Variants in RORA observed in about 807,000 individuals in gnomAD.
RORA encodes RAR related orphan receptor A.
RORA carries 7 observed loss-of-function variants against 69.5 expected under a neutral mutation model. The observed-to-expected ratio is 0.10, with a 90% CI of 0.06 to 0.19. The LOEUF (loss-of-function observed/expected upper bound fraction) is 0.19, where lower values mean the gene tolerates loss of function less well. Ranked by LOEUF, RORA falls within the 10% of genes least tolerant of loss-of-function variation. The pLI is 1.00. For missense variants in RORA, 457 were observed against 663.0 expected, an observed-to-expected ratio of 0.69 and a Z score of 3.41; for synonymous variants, 261 against 240.8, an observed-to-expected ratio of 1.08 and a Z score of -0.78.
chr15:61,060,047 A>AAGAAGG (rs2078160198), intron 1 of RORA, among the ~76,000 whole-genome samples: 1 of 149,262 alleles, frequency 6.7e-6, no homozygotes, highest in African/African-American at 2.5e-5. Flanking sequence ...GAAGAAGAAG[A>AAGAAGG]AGAAAGCCTT....
chr15:61,169,767 A>AC (rs1338850121), intron 1 of RORA, among the ~76,000 whole-genome samples: 1 of 126,260 alleles, frequency 7.9e-6, no homozygotes, highest in Non-Finnish European at 1.9e-5. Context: ...TTCCTTACAA[A>AC]CGGCCTCAGA....
intron 1 of RORA, among the ~76,000 whole-genome samples, chr15:61,189,820 GCA>G (rs2079779109): frequency 9.0e-6 from 1 of 111,382 alleles, no homozygotes; most frequent in African/African-American, 3.5e-5. Context: ...TTGCACCACC[GCA>G]CTCCAGCCTG....
chr15:60,733,315 A>G (rs2071454312), intron 1 of RORA, among the ~76,000 whole-genome samples: 1 of 152,202 alleles, frequency 6.6e-6, no homozygotes, highest in Non-Finnish European at 1.5e-5. Flanking sequence ...TGAGATGGGA[A>G]TAAGGACAGT....
intron 1 of RORA, among the ~76,000 whole-genome samples, chr15:61,037,196 A>G (rs1185163073): frequency 6.6e-6 from 1 of 152,218 alleles, no homozygotes; most frequent in African/African-American, 2.4e-5. Context: ...AAAAATATGT[A>G]AAGTACTTAG....
intron 1 of RORA, among the ~76,000 whole-genome samples, chr15:61,073,422 G>C (rs2078398512): frequency 6.7e-6 from 1 of 149,762 alleles, no homozygotes; most frequent in Non-Finnish European, 1.5e-5. Context: ...GTTGGAATGG[G>C]CAGTGAAGCT....
intron 1 of RORA, among the ~76,000 whole-genome samples, chr15:61,171,433 T>G (rs140604068): frequency 0.012 from 1,825 of 152,272 alleles, 38 homozygotes; most frequent in African/African-American, 0.042. Context: ...TGTATTTGCA[T>G]TTCAAATAAG....
rs180975781 is a variant in RORA, at chr15:60,910,408, T to G, written c.167-231722A>C. ...ACTACTGTTTTTCTTTGCCATCAGA[T>G]AGTAATAGCCATCTGCGGTATCTTT... On this transcript the variant is annotated intron_variant, in intron 1 of 10. Coordinates refer to ENST00000335670, the MANE Select transcript of RORA (RefSeq NM_134261.3). 3.1e-4 allele frequency among the ~76,000 whole-genome samples: 47 copies of G among 152,350 alleles called. 1 individual carries two copies. Among genetic ancestry groups the G allele is most frequent in the Admixed American group, 2.7e-3 (42 of 15,306 alleles).
intron 1 of RORA, among the ~76,000 whole-genome samples, chr15:60,748,111 T>A (rs907394308): frequency 1.3e-5 from 2 of 152,208 alleles, no homozygotes; most frequent in Admixed American, 1.3e-4. Flanking sequence ...TTGTGTTTGC[T>A]GCACATCCTT....
In RORA at chr15:60,497,412, T is replaced by A. The variant is rs952070213; in HGVS notation, c.*43A>T. On this transcript the variant is annotated 3_prime_UTR_variant, in exon 11 of 11. Coordinates refer to ENST00000335670, the MANE Select transcript of RORA (RefSeq NM_134261.3). ...GGTTAATTTTTTTGTTTGTTTTTCATGTTTGTACTTCAGACATTCTAGAAG... is the reference window on the plus strand; with the variant it reads ...GGTTAATTTTTTTGTTTGTTTTTCAAGTTTGTACTTCAGACATTCTAGAAG... 6.3e-7 allele frequency: 1 copy of A among 1,584,894 alleles called. No individual in the cohort carries two copies. The highest frequency in any genetic ancestry group is 1.3e-5 in the African/African-American group (1 of 74,152).
chr15:60,972,785 T>C (rs758326089), intron 1 of RORA, among the ~76,000 whole-genome samples: 18 of 152,330 alleles, frequency 1.2e-4, no homozygotes, highest in Middle Eastern at 3.4e-3. Context: ...GAAGTTTAAA[T>C]GTGGTAAAGC....
chr15:60,786,093 G>C (rs1441064179), intron 1 of RORA, among the ~76,000 whole-genome samples: 3 of 152,226 alleles, frequency 2.0e-5, no homozygotes, highest in Non-Finnish European at 4.4e-5. Flanking sequence ...TACGCCAAAA[G>C]ACATGGTTCC....
At chr15:61,032,613 C>G (rs758186748) in intron 1 of RORA, among the ~76,000 whole-genome samples, 1 of 152,168 alleles carries the variant, frequency 6.6e-6, no homozygotes, top group Non-Finnish European at 1.5e-5. Flanking sequence ...ATTTTACATT[C>G]ACAACTAAAG....
chr15:60,515,158 A>G (rs1234548067), intron 3 of RORA, among the ~76,000 whole-genome samples: 1 of 152,196 alleles, frequency 6.6e-6, no homozygotes, highest in African/African-American at 2.4e-5. Flanking sequence ...TGGAATATCC[A>G]AGTTAAGGAA....
chr15:61,126,490 C>T (rs2079143574), intron 1 of RORA, among the ~76,000 whole-genome samples: 1 of 152,152 alleles, frequency 6.6e-6, no homozygotes, highest in Non-Finnish European at 1.5e-5. Context: ...TACCCTTTGA[C>T]CAACATCACT....
chr15:60,690,462 C>G lies in RORA; in HGVS notation c.167-11776G>C, dbSNP rs148983926. ...ACCTTTGGAGACAGGAGAGAGCACCCAGACAGGACCTGTGAGCAGAGCTTC... is the reference window on the plus strand; with the variant it reads ...ACCTTTGGAGACAGGAGAGAGCACCGAGACAGGACCTGTGAGCAGAGCTTC... On this transcript the variant is annotated intron_variant, in intron 1 of 10. Coordinates refer to ENST00000335670, the MANE Select transcript of RORA (RefSeq NM_134261.3). 2.1e-3 allele frequency among the ~76,000 whole-genome samples: 319 copies of G among 152,336 alleles called. 2 individuals are homozygous for G. The highest frequency in any genetic ancestry group is 7.4e-3 in the African/African-American group (306 of 41,574).
chr15:60,820,978 G>C (rs1038175078), intron 1 of RORA, among the ~76,000 whole-genome samples: 2 of 136,958 alleles, frequency 1.5e-5, no homozygotes, highest in Non-Finnish European at 3.0e-5. Context: ...CCCCAGCTCT[G>C]CAATTCTATG....
chr15:60,628,944 T>C (rs2069661298), intron 2 of RORA, among the ~76,000 whole-genome samples: 1 of 152,138 alleles, frequency 6.6e-6, no homozygotes, highest in African/African-American at 2.4e-5. Context: ...CCGTTTTAGT[T>C]CTCAAGCACA....
chr15:61,143,090 G>T (rs11855645), intron 1 of RORA, among the ~76,000 whole-genome samples: 6,102 of 152,066 alleles, frequency 0.04, 421 homozygotes, highest in African/African-American at 0.14. Flanking sequence ...TACCTAGAAC[G>T]CCAAAGAGGA....
chr15:60,551,394 C>T (rs970949514), intron 2 of RORA, among the ~76,000 whole-genome samples: 1 of 152,088 alleles, frequency 6.6e-6, no homozygotes, highest in Non-Finnish European at 1.5e-5. Context: ...TCGGTTCCCA[C>T]ATCCTCATCT....
Sources: allele counts gnomAD v4.1 joint callset (sites outside exome capture counted in the v4.1 genomes callset), GRCh38; gene constraint gnomAD v4.1.1; transcripts MANE v1.5; gene names NCBI Gene and HGNC (gene_info 2026-07-23, HGNC 2026-07-21).